The following RIN2 variants were observed in gnomAD, a reference collection of about 807,000 sequenced individuals.
RIN2 encodes Ras and Rab interactor 2, also known as RAB5 interacting protein 2.
In RIN2, 36 loss-of-function variants were observed where a neutral mutation model predicts 78.0. The ratio of observed to expected loss-of-function variants is 0.46; its 90% confidence interval spans 0.35 to 0.61. The LOEUF is 0.61. Ranked by LOEUF, RIN2 falls within the 20% of genes least tolerant of loss-of-function variation. The pLI, the probability that RIN2 is intolerant of heterozygous loss-of-function variation, is 0.00. For missense variants in RIN2, 1,087 were observed against 1,159.7 expected (o/e 0.94, Z 0.91); for synonymous variants, 466 against 466.8 (o/e 1.00, Z 0.02).
intron 2 of RIN2, among the ~76,000 whole-genome samples, chr20:19,803,535 G>T (rs1191857536): frequency 2.0e-5 from 3 of 152,110 alleles, no homozygotes; most frequent in Non-Finnish European, 4.4e-5. Context: ...AACTGGCTAG[G>T]CATATGCAGA....
intron 1 of RIN2, among the ~76,000 whole-genome samples, chr20:19,781,094 A>G (rs1452201563): frequency 6.6e-6 from 1 of 152,226 alleles, no homozygotes; most frequent in East Asian, 1.9e-4. Context: ...GTCATCTGGA[A>G]CATATAGTTT....
At chr20:19,800,426 C>T (rs2035203853) in intron 2 of RIN2, among the ~76,000 whole-genome samples, 1 of 152,206 alleles carries the variant, frequency 6.6e-6, no homozygotes, top group Non-Finnish European at 1.5e-5. Flanking sequence ...GAGCAGGACA[C>T]AGTGACTGCC....
Position 19,975,860 on chromosome 20 carries a change from T to G in RIN2, c.1762+73T>G. The G allele has an allele frequency of 7.1e-7, 1 of 1,403,584 alleles. No individual in the cohort carries two copies. Among genetic ancestry groups the G allele is most frequent in the Non-Finnish European group, 9.9e-7 (1 of 1,014,074 alleles). 86.9% of individuals were successfully genotyped at this position (1,403,584 alleles called of 1,614,324 possible). On this transcript the variant is annotated intron_variant, in intron 9 of 12. Transcript: ENST00000255006. This position sits in a 1 kb window ranked among gnomAD's most constrained non-coding sequence, Gnocchi z 4.9. ...GGGCAGTGCAACCTATGTTTGTTAT[T>G]TTTTATGAAGTTTACTCCGAAGTTC...
chr20:19,809,552 A>C (rs920113224), intron 2 of RIN2: 1 of 152,338 alleles, frequency 6.6e-6, no homozygotes, highest in Non-Finnish European at 1.5e-5. Flanking sequence ...CCTGAGGGGG[A>C]GACTGGAGAA....
chr20:19,908,502 A>AG lies in RIN2; in HGVS notation c.57+18844_57+18845insG, dbSNP rs1239517852. On this transcript the variant is annotated intron_variant, in intron 3 of 12. Coordinates refer to ENST00000255006, the MANE Select transcript of RIN2 (RefSeq NM_018993.4). ...CGAGACTCCGTCTCAAAAAAAAAAA[A>AG]AAAGAAAGAAAGAAAGAGTTTGGAC... Among the ~76,000 whole-genome samples the AG allele has an allele frequency of 1.2e-3, 179 of 151,266 alleles. 1 individual carries two copies. The highest frequency in any genetic ancestry group is 4.0e-3 in the African/African-American group (163 of 40,872).
chr20:19,759,001 G>T (rs1287720038), intron 1 of RIN2, among the ~76,000 whole-genome samples: 2 of 152,208 alleles, frequency 1.3e-5, no homozygotes, highest in Non-Finnish European at 2.9e-5. Context: ...TTCCTGCCGG[G>T]AAGGGACGGG....
intron 2 of RIN2, among the ~76,000 whole-genome samples, chr20:19,866,529 A>G (rs2037512044): frequency 6.6e-6 from 1 of 152,226 alleles, no homozygotes; most frequent in Non-Finnish European, 1.5e-5. Flanking sequence ...CAAAATTCAC[A>G]AAACACATAG....
intron 2 of RIN2, among the ~76,000 whole-genome samples, chr20:19,864,511 G>T (rs1437691463): frequency 6.6e-6 from 1 of 152,098 alleles, no homozygotes; most frequent in Non-Finnish European, 1.5e-5. Context: ...CAGACAGCAT[G>T]GAATTTGACA....
rs368837181 is a variant in RIN2 at position 19,974,960 on chromosome 20, C to T, written c.935C>T (p.Pro312Leu). 3 of 1,612,792 alleles carry T rather than the reference C, an allele frequency of 1.9e-6. No homozygotes were observed. Among genetic ancestry groups the T allele is most frequent in the South Asian group, 2.2e-5 (2 of 91,054 alleles). The stretch of plus-strand genomic sequence containing the variant: ...ACTCGGTCCCCCCCACCCAGGCCCC[C>T]GCCACCCGCTATTAATAGTCTCCAC... ...ERTRSPPPRP[P>L]PPAINSLHTS... Residue 312 changes from proline (P) to leucine (L), a missense_variant, in exon 9 of 13, where the codon CCG becomes CTG. By Grantham distance (98) the Pro-to-Leu change is moderately conservative. Around this residue, in one of 8 missense-constraint regions of RIN2, gnomAD observed 706 missense variants for 667.5 expected, o/e 1.06. Transcript: ENST00000255006.
chr20:19,904,086 G>A (rs2039105785), intron 3 of RIN2, among the ~76,000 whole-genome samples: 2 of 151,924 alleles, frequency 1.3e-5, no homozygotes, highest in Non-Finnish European at 2.9e-5. Context: ...ACAAAAATTA[G>A]CCAGGTGTGG....
intron 3 of RIN2, among the ~76,000 whole-genome samples, chr20:19,892,226 A>T (rs1037182259): frequency 1.3e-5 from 2 of 151,976 alleles, no homozygotes; most frequent in African/African-American, 2.4e-5. Context: ...TAATTAATTA[A>T]TTTATTTTGA....
chr20:19,853,932 T>A (rs1261487221), intron 2 of RIN2, among the ~76,000 whole-genome samples: 2 of 152,246 alleles, frequency 1.3e-5, no homozygotes, highest in Admixed American at 1.3e-4. Flanking sequence ...GCTTTTGGTG[T>A]TTTAGTCATG....
In RIN2 at chr20:19,975,863, T is replaced by G. The variant is rs2042264240; in HGVS notation, c.1762+76T>G. 9 of 1,373,494 alleles carry G rather than the reference T, an allele frequency of 6.6e-6. No individual in the cohort carries two copies. The allele number at this position is 1,373,494 out of a possible 1,614,324, so 85.1% of individuals were successfully genotyped here. ...CAGTGCAACCTATGTTTGTTATTTT[T>G]TATGAAGTTTACTCCGAAGTTCAAA... On this transcript the variant is annotated intron_variant, in intron 9 of 12. Coordinates refer to ENST00000255006, the MANE Select transcript of RIN2 (RefSeq NM_018993.4). This position sits in a 1 kb window ranked among gnomAD's most constrained non-coding sequence, Gnocchi z 4.9.
Position 19,844,584 on chromosome 20 carries a change from GCTGCTGCTGCTTCTTCCT to G in RIN2, c.-37+44840_-37+44857del, listed in dbSNP as rs1223391413. Among the ~76,000 whole-genome samples, 52 of 139,756 alleles carry G rather than the reference GCTGCTGCTGCTTCTTCCT, an allele frequency of 3.7e-4. 1 individual carries two copies. The highest frequency in any genetic ancestry group is 1.3e-3 in the African/African-American group (50 of 37,866). 91.7% of individuals were successfully genotyped at this position (139,756 alleles called of 152,430 possible). On this transcript the variant is annotated intron_variant, in intron 2 of 12. Transcript: ENST00000255006. ...CATGGCCAACTAGAGAGCTGCTGCT[GCTGCTGCTGCTTCTTCCT>G]CTTCTTCTTCTTCTTCTTCTTCTTC...
intron 2 of RIN2, among the ~76,000 whole-genome samples, chr20:19,855,092 G>T (rs965216088): frequency 2.6e-5 from 4 of 152,142 alleles, no homozygotes; most frequent in African/African-American, 7.2e-5. Flanking sequence ...TGGCATGAAG[G>T]GCTGTTGAAT....
intron 3 of RIN2, among the ~76,000 whole-genome samples, chr20:19,901,737 T>C (rs576535758): frequency 1.3e-5 from 2 of 152,186 alleles, no homozygotes; most frequent in South Asian, 4.1e-4. Context: ...AATAAACAGG[T>C]CGAGTGCGGT....
At chr20:19,996,537 T>G (rs1409542963) in intron 11 of RIN2, 142 bp from the exon 12 acceptor site, 13 of 775,400 alleles carry the variant, frequency 1.7e-5, no homozygotes, top group Non-Finnish European at 2.8e-5. Context: ...CTCTTGGGTG[T>G]GTGCTTCTGT....
chr20:19,932,176 C>T (rs1296171029), intron 3 of RIN2, among the ~76,000 whole-genome samples: 1 of 152,154 alleles, frequency 6.6e-6, no homozygotes, highest in Admixed American at 6.5e-5. Flanking sequence ...ATGCCGTTAT[C>T]TTGGTAGCGG....
intron 2 of RIN2, among the ~76,000 whole-genome samples, chr20:19,873,085 C>T (rs1028098099): frequency 2.0e-5 from 3 of 151,350 alleles, no homozygotes; most frequent in African/African-American, 4.9e-5. Context: ...ATATAACACA[C>T]TTTTTCTTTT....
Sources: allele counts gnomAD v4.1 joint callset (sites outside exome capture counted in the v4.1 genomes callset), GRCh38; gene constraint gnomAD v4.1.1; regional missense constraint gnomAD v4.1.1; non-coding constraint Gnocchi (gnomAD v3.1); transcripts MANE v1.5; gene names NCBI Gene and HGNC (gene_info 2026-07-23, HGNC 2026-07-21).